Variants in RAB11FIP4 observed in about 807,000 individuals in gnomAD.
RAB11FIP4 encodes the protein rab11 family-interacting protein 4.
Under a neutral mutation model 74.3 loss-of-function variants are expected in RAB11FIP4, and 23 were observed. The observed-to-expected ratio is 0.31, with a 90% confidence interval of 0.22 to 0.44. The LOEUF is 0.44. Ranked by LOEUF, RAB11FIP4 falls within the 20% of genes least tolerant of loss-of-function variation. The probability of loss-of-function intolerance (pLI) is 1.00; values close to 1 mark genes in which losing one functional copy is unlikely to be tolerated. For synonymous variants in RAB11FIP4, 360 were observed against 359.9 expected, an observed-to-expected ratio of 1.00 and a Z score of 0.00; for missense variants, 630 against 863.9, an observed-to-expected ratio of 0.73 and a Z score of 3.39.
At chr17:31,496,443 GGGTCACTGGCCT>G (rs1567676690) in intron 3 of RAB11FIP4, among the ~76,000 whole-genome samples, 1 of 152,216 alleles carries the variant, frequency 6.6e-6, no homozygotes, top group Non-Finnish European at 1.5e-5. Flanking sequence ...GGCTGGGAGT[GGGTCACTGGCCT>G]TCCCAAGGGA....
At chr17:31,511,829 C>T (rs2072457139) in intron 3 of RAB11FIP4, among the ~76,000 whole-genome samples, 1 of 152,254 alleles carries the variant, frequency 6.6e-6, no homozygotes, top group Non-Finnish European at 1.5e-5. Context: ...GAATTCATCC[C>T]TTGCCAACTT....
chr17:31,485,851 G>A (rs2071895160), intron 3 of RAB11FIP4, among the ~76,000 whole-genome samples: 1 of 152,140 alleles, frequency 6.6e-6, no homozygotes, highest in African/African-American at 2.4e-5. Context: ...AAGACATCTG[G>A]GAAATAAGAC....
chr17:31,398,783 A>C (rs2070956100), intron 1 of RAB11FIP4, among the ~76,000 whole-genome samples: 1 of 152,200 alleles, frequency 6.6e-6, no homozygotes, highest in African/African-American at 2.4e-5. Context: ...AAAGGACCGG[A>C]CAGAGGGAGG....
intron 3 of RAB11FIP4, among the ~76,000 whole-genome samples, chr17:31,471,763 G>T (rs2071739308): frequency 6.6e-6 from 1 of 152,216 alleles, no homozygotes; most frequent in African/African-American, 2.4e-5. Context: ...CAGTGGGAGA[G>T]CCTGACGCTC....
At chr17:31,403,012 G>A (rs2071007946) in intron 1 of RAB11FIP4, among the ~76,000 whole-genome samples, 1 of 152,104 alleles carries the variant, frequency 6.6e-6, no homozygotes, top group Non-Finnish European at 1.5e-5. Flanking sequence ...TTGTGGCACT[G>A]TTGTGATGGT....
At chr17:31,530,801 C>T (rs2072857987) in intron 14 of RAB11FIP4, among the ~76,000 whole-genome samples, 1 of 152,166 alleles carries the variant, frequency 6.6e-6, no homozygotes. Context: ...TCTTCCCAGT[C>T]CAGAGAGGGA....
In RAB11FIP4 at chr17:31,403,391, C is replaced by T. The variant is rs543845542; in HGVS notation, c.159+11380C>T. ...AGGCTGGAGTGCAGTGGCGCAATCTCGGCTCACTGCAACCTCTGCCTCCCA... is the reference window on the plus strand; with the variant it reads ...AGGCTGGAGTGCAGTGGCGCAATCTTGGCTCACTGCAACCTCTGCCTCCCA... On this transcript the variant is annotated intron_variant, in intron 1 of 14. Transcript: ENST00000621161. Among the ~76,000 whole-genome samples the T allele has an allele frequency of 2.4e-4, 37 of 151,494 alleles. 1 individual carries two copies. Among genetic ancestry groups the T allele is most frequent in the African/African-American group, 8.5e-4 (35 of 41,206 alleles).
intron 2 of RAB11FIP4, among the ~76,000 whole-genome samples, chr17:31,432,191 C>A (rs907110318): frequency 6.6e-6 from 1 of 152,156 alleles, no homozygotes. Context: ...CTTCCTCTCT[C>A]TCCCGCTCTG....
chr17:31,396,644 T>A (rs2070934409), intron 1 of RAB11FIP4, among the ~76,000 whole-genome samples: 1 of 152,196 alleles, frequency 6.6e-6, no homozygotes, highest in Non-Finnish European at 1.5e-5. Flanking sequence ...TGTGCTCAAC[T>A]CACCCTCCTT....
At chr17:31,470,993 C>T (rs2071731007) in intron 3 of RAB11FIP4, among the ~76,000 whole-genome samples, 1 of 151,978 alleles carries the variant, frequency 6.6e-6, no homozygotes, top group Middle Eastern at 3.4e-3. Context: ...TTTGATATTT[C>T]CATTAGCCCT....
At chr17:31,530,211 C>A in intron 13 of RAB11FIP4, 115 bp from the exon 14 acceptor site, 1 of 1,362,844 alleles carries the variant, frequency 7.3e-7, no homozygotes, top group Non-Finnish European at 1.0e-6. Context: ...CCGTGACACA[C>A]ACCTGTGGGA....
intron 3 of RAB11FIP4, among the ~76,000 whole-genome samples, chr17:31,511,025 TTTTTG>T (rs950041534): frequency 1.4e-4 from 22 of 151,918 alleles, no homozygotes; most frequent in South Asian, 4.1e-4. Context: ...TGTTTTTGTG[TTTTTG>T]TTTTGTTTTG....
intron 1 of RAB11FIP4, among the ~76,000 whole-genome samples, chr17:31,398,987 G>C (rs1018474622): frequency 1.3e-5 from 2 of 152,196 alleles, no homozygotes; most frequent in Admixed American, 6.5e-5. Context: ...TGGGCAGCAG[G>C]CTCCTGGACA....
Position 31,536,045 on chromosome 17 carries a change from G to GA in RAB11FIP4, c.*4313_*4314insA, listed in dbSNP as rs1328003929. On this transcript the variant is annotated 3_prime_UTR_variant, in exon 15 of 15. Transcript: ENST00000621161. Reference sequence around the variant, plus strand: ...CTGGTGTTCAGGGGAGTTGGGGGGGGGGGGCGCGGGGACAGAAGCGCGGGT... The same window carrying GA: ...CTGGTGTTCAGGGGAGTTGGGGGGGGAGGGGCGCGGGGACAGAAGCGCGGGT... 1.3e-5 allele frequency: 2 copies of GA among 151,924 alleles called. No individual in the cohort carries two copies. Among genetic ancestry groups the GA allele is most frequent in the African/African-American group, 4.8e-5 (2 of 41,332 alleles). 9.4% of individuals were successfully genotyped at this position (151,924 alleles called of 1,614,324 possible). A position where few individuals can be genotyped will look rare whatever the true frequency, so the allele number is the denominator to read the frequency against.
chr17:31,392,136 T>C (rs1597891496), intron 1 of RAB11FIP4, 125 bp downstream of exon 1: 1 of 631,688 alleles, frequency 1.6e-6, no homozygotes, highest in Non-Finnish European at 2.0e-6. Flanking sequence ...ATCCCCTCCC[T>C]CCGCCGGAGC....
At chr17:31,428,891 A>G (rs980418295) in intron 1 of RAB11FIP4, among the ~76,000 whole-genome samples, 3 of 152,110 alleles carry the variant, frequency 2.0e-5, no homozygotes, top group Non-Finnish European at 4.4e-5. Context: ...GCAGTGATCT[A>G]TGATCATGCC....
intron 1 of RAB11FIP4, among the ~76,000 whole-genome samples, chr17:31,401,955 T>C (rs1160368500): frequency 6.6e-6 from 1 of 152,084 alleles, no homozygotes; most frequent in Non-Finnish European, 1.5e-5. Context: ...CTCCACCCAT[T>C]CATCCAACCA....
At chr17:31,501,273 T>C (rs2072215689) in intron 3 of RAB11FIP4, among the ~76,000 whole-genome samples, 1 of 151,398 alleles carries the variant, frequency 6.6e-6, no homozygotes, top group Non-Finnish European at 1.5e-5. Context: ...CAGATGCTCC[T>C]TGATGGGGTT....
intron 1 of RAB11FIP4, among the ~76,000 whole-genome samples, chr17:31,429,463 G>T (rs2071285095): frequency 6.6e-6 from 1 of 152,200 alleles, no homozygotes; most frequent in Non-Finnish European, 1.5e-5. Flanking sequence ...GAAAGGCTTT[G>T]CAATCTAGGA....
Sources: allele counts gnomAD v4.1 joint callset (sites outside exome capture counted in the v4.1 genomes callset), GRCh38; gene constraint gnomAD v4.1.1; transcripts MANE v1.5; gene names NCBI Gene and HGNC (gene_info 2026-07-23, HGNC 2026-07-21).